The following C2orf76 variants were observed in gnomAD, a reference collection of about 807,000 sequenced individuals.
The protein encoded by C2orf76 is UPF0538 protein C2orf76.
C2orf76 carries 23 observed loss-of-function variants against 16.9 expected under a neutral mutation model. The observed-to-expected ratio is 1.36, with a 90% CI of 0.98 to 1.93. C2orf76 has a LOEUF of 1.93. Ranked by LOEUF, C2orf76 falls within the 30% of genes most tolerant of loss-of-function variation. C2orf76 has a pLI of 0.00. For missense variants in C2orf76, 152 were observed against 152.6 expected, an observed-to-expected ratio of 1.00 and a Z score of 0.02; for synonymous variants, 48 against 52.3, an observed-to-expected ratio of 0.92 and a Z score of 0.35.
At chr2:119,353,485 T>C (rs1680467565) in intron 1 of C2orf76, among the ~76,000 whole-genome samples, 1 of 150,928 alleles carries the variant, frequency 6.6e-6, no homozygotes, top group Non-Finnish European at 1.5e-5. Flanking sequence ...CTTCTAAAAA[T>C]AGATTTCGGT....
chr2:119,294,727 G>A, the C2orf76 span, among the ~76,000 whole-genome samples: 8 of 152,174 alleles, frequency 5.3e-5, no homozygotes. Context: ...AGGGCAGCGT[G>A]AGGACCTGAC....
intron 5 of C2orf76, among the ~76,000 whole-genome samples, chr2:119,304,279 C>T (rs1678708859): frequency 6.6e-6 from 1 of 152,202 alleles, no homozygotes; most frequent in Non-Finnish European, 1.5e-5. Context: ...TATTTACATA[C>T]AGAACTTTAC....
chr2:119,310,257 T>A (rs1428090881), intron 5 of C2orf76, among the ~76,000 whole-genome samples: 3 of 152,206 alleles, frequency 2.0e-5, no homozygotes, highest in African/African-American at 7.2e-5. Flanking sequence ...CATGCCCCAA[T>A]CACAAAGGTG....
intron 1 of C2orf76, among the ~76,000 whole-genome samples, chr2:119,364,841 G>A (rs1680872858): frequency 6.6e-6 from 1 of 152,030 alleles, no homozygotes; most frequent in Non-Finnish European, 1.5e-5. Context: ...CACGTTAGGA[G>A]GCCAAAGTGG....
At chr2:119,345,188 C>T (rs148102950) in intron 1 of C2orf76, among the ~76,000 whole-genome samples, 148 of 152,206 alleles carry the variant, frequency 9.7e-4, no homozygotes, top group African/African-American at 3.4e-3. Flanking sequence ...AGACCAATAT[C>T]CTAATAGAAA....
intron 3 of C2orf76, among the ~76,000 whole-genome samples, chr2:119,318,136 C>T (rs1353155704): frequency 6.6e-6 from 1 of 152,224 alleles, no homozygotes; most frequent in African/African-American, 2.4e-5. Context: ...AGTCAGGCTA[C>T]ACTGTGCACT....
In C2orf76 at chr2:119,353,023, C is replaced by T. The variant is rs560898299; in HGVS notation, c.-12-13052G>A. 7.9e-5 allele frequency among the ~76,000 whole-genome samples: 12 copies of T among 152,118 alleles called. No individual in the cohort carries two copies. The East Asian group carries it at 2.1e-3, about 27-fold the overall frequency. On this transcript the variant is annotated intron_variant, in intron 1 of 5. Transcript: ENST00000334816. ...AGGAAACTAAATTGGCAAAGGTGAG[C>T]AGATATAAAAGGAGAAAGAGCAGGA...
Position 119,302,768 on chromosome 2 carries a change from T to TA in C2orf76, c.305-221dup, listed in dbSNP as rs200086550. Among the ~76,000 whole-genome samples the TA allele has an allele frequency of 5.4e-3, 818 of 152,082 alleles. 7 individuals are homozygous for TA. Among genetic ancestry groups the TA allele is most frequent in the African/African-American group, 0.015 (638 of 41,492 alleles). On this transcript the variant is annotated intron_variant, in intron 5 of 5. Coordinates refer to ENST00000334816, the MANE Select transcript of C2orf76 (RefSeq NM_001322331.2). ...ATCAAAACCTCAAATGATTTAAAAG[T>TA]AAAAAAGAACAAAAAATAAAAAACC...
chr2:119,354,051 C>CAAT (rs1289870803), intron 1 of C2orf76, among the ~76,000 whole-genome samples: 1 of 152,098 alleles, frequency 6.6e-6, no homozygotes, highest in African/African-American at 2.4e-5. Context: ...ATGCATGAGG[C>CAAT]AATGGTCACA....
chr2:119,334,399 A>G (rs1053567619), intron 2 of C2orf76, among the ~76,000 whole-genome samples: 13 of 150,700 alleles, frequency 8.6e-5, no homozygotes. Flanking sequence ...AAAAAAAAAA[A>G]AAAAAGGTCG....
chr2:119,314,897 TAC>T (rs1336556614), intron 4 of C2orf76, among the ~76,000 whole-genome samples: 2 of 152,192 alleles, frequency 1.3e-5, no homozygotes, highest in Admixed American at 1.3e-4. Context: ...TAAGTTGAAG[TAC>T]AGTTTCACAC....
chr2:119,340,212 C>T (rs1414454740), intron 1 of C2orf76: 1 of 391,358 alleles, frequency 2.6e-6, no homozygotes, highest in Non-Finnish European at 4.7e-6. Context: ...TTCTGACCAG[C>T]AGAAAACTGA....
the C2orf76 span, among the ~76,000 whole-genome samples, chr2:119,285,635 A>G: frequency 6.6e-6 from 1 of 152,204 alleles, no homozygotes; most frequent in Non-Finnish European, 1.5e-5. Context: ...TGGAAAAGAA[A>G]CCAAAATTGT....
At chr2:119,295,664 T>C in the C2orf76 span, among the ~76,000 whole-genome samples, 2 of 152,154 alleles carry the variant, frequency 1.3e-5, no homozygotes, top group African/African-American at 2.4e-5. Context: ...TTGGACATAA[T>C]AGAAATGAAG....
chr2:119,321,239 C>T (rs1316829222), intron 2 of C2orf76, 35 bp from the exon 3 acceptor site: 1 of 1,091,230 alleles, frequency 9.2e-7, no homozygotes, highest in Admixed American at 2.2e-5. Context: ...ACACAATAAG[C>T]AAATAGACAC....
upstream of C2orf76, chr2:119,366,893 C>G (rs1017383362): frequency 4.2e-6 from 4 of 944,130 alleles, no homozygotes; most frequent in East Asian, 1.1e-4. Flanking sequence ...ACGCCCCTAG[C>G]GCATAGCTGG....
intron 1 of C2orf76, among the ~76,000 whole-genome samples, chr2:119,341,234 C>A (rs1680020193): frequency 6.6e-6 from 1 of 152,118 alleles, no homozygotes; most frequent in African/African-American, 2.4e-5. Flanking sequence ...GTCTCCAACT[C>A]CTGGGCTCAA....
At chr2:119,349,873 G>A (rs552144263) in intron 1 of C2orf76, among the ~76,000 whole-genome samples, 1 of 152,252 alleles carries the variant, frequency 6.6e-6, no homozygotes, top group East Asian at 1.9e-4. Context: ...GTCCGTTTTT[G>A]TAGACCCAAC....
At chr2:119,296,412 T>G in the C2orf76 span, among the ~76,000 whole-genome samples, 1 of 152,162 alleles carries the variant, frequency 6.6e-6, no homozygotes, top group African/African-American at 2.4e-5. Context: ...CATACATGTA[T>G]GCATGTGTAC....
Sources: allele counts gnomAD v4.1 joint callset (sites outside exome capture counted in the v4.1 genomes callset), GRCh38; gene constraint gnomAD v4.1.1; transcripts MANE v1.5; gene names NCBI Gene and HGNC (gene_info 2026-07-23, HGNC 2026-07-21).